NAV2: variants seen among roughly 807,000 people sequenced by gnomAD.
The protein encoded by NAV2 is helicase, APC down-regulated 1.
A neutral mutation model predicts 223.2 loss-of-function variants in NAV2; 54 were observed. The observed-to-expected ratio is 0.24, with a 90% CI of 0.19 to 0.30. The LOEUF (loss-of-function observed/expected upper bound fraction) is 0.30. Among genes scored for constraint, NAV2 ranks in the 10% least tolerant of loss-of-function variants. The pLI, the probability that NAV2 is intolerant of heterozygous loss-of-function variation, is 1.00. For synonymous variants in NAV2, 1,279 were observed against 1,239.3 expected, an observed-to-expected ratio of 1.03 and a Z score of -0.67; for missense variants, 2,806 against 3,147.5, an observed-to-expected ratio of 0.89 and a Z score of 2.60.
chr11:19,620,281 T>C (rs970117511), intron 1 of NAV2, among the ~76,000 whole-genome samples: 2 of 152,208 alleles, frequency 1.3e-5, no homozygotes, highest in African/African-American at 4.8e-5. Context: ...AAGTAGTTTT[T>C]TCCAATTCTG....
intron 12 of NAV2, among the ~76,000 whole-genome samples, chr11:20,039,252 G>C (rs1279424164): frequency 2.0e-5 from 3 of 152,160 alleles, no homozygotes; most frequent in Non-Finnish European, 4.4e-5. Context: ...CACTCTCTCC[G>C]AGCCCCTGCC....
At chr11:19,946,116 A>G (rs1312473040) in intron 8 of NAV2, among the ~76,000 whole-genome samples, 1 of 152,168 alleles carries the variant, frequency 6.6e-6, no homozygotes, top group Non-Finnish European at 1.5e-5. Flanking sequence ...ACACTGTGGA[A>G]ATGTGTTTAC....
chr11:19,727,576 G>A (rs1268210966), intron 1 of NAV2, among the ~76,000 whole-genome samples: 1 of 152,248 alleles, frequency 6.6e-6, no homozygotes, highest in East Asian at 1.9e-4. Flanking sequence ...ATCTGCCTGT[G>A]GAGGCATTTC....
intron 1 of NAV2, among the ~76,000 whole-genome samples, chr11:19,395,290 A>G (rs1849404510): frequency 6.6e-6 from 1 of 152,262 alleles, no homozygotes; most frequent in Non-Finnish European, 1.5e-5. Context: ...CATTGGGCCC[A>G]CACATCTGCT....
At chr11:19,982,380 G>T (rs1043022150) in intron 10 of NAV2, among the ~76,000 whole-genome samples, 1 of 152,076 alleles carries the variant, frequency 6.6e-6, no homozygotes, top group Non-Finnish European at 1.5e-5. Context: ...TGATTCTCCT[G>T]CCTCAGCCTC....
At chr11:19,676,550 C>T (rs2048717080) in intron 1 of NAV2, among the ~76,000 whole-genome samples, 1 of 152,186 alleles carries the variant, frequency 6.6e-6, no homozygotes, top group African/African-American at 2.4e-5. Flanking sequence ...CAACCAGTTT[C>T]CTGTAGCTTG....
At chr11:19,852,744 A>T (rs2061216368) in intron 3 of NAV2, among the ~76,000 whole-genome samples, 1 of 147,864 alleles carries the variant, frequency 6.8e-6, no homozygotes, top group East Asian at 2.0e-4. Flanking sequence ...TTCAATAAAA[A>T]TATCCATATT....
chr11:19,915,537 C>G (rs1267154730), intron 6 of NAV2, among the ~76,000 whole-genome samples: 1 of 152,258 alleles, frequency 6.6e-6, no homozygotes, highest in African/African-American at 2.4e-5. Flanking sequence ...TAATCGGCCT[C>G]TGCCACTGCA....
chr11:19,834,837 G>A (rs2060145666), intron 2 of NAV2, among the ~76,000 whole-genome samples: 1 of 152,206 alleles, frequency 6.6e-6, no homozygotes, highest in African/African-American at 2.4e-5. Context: ...TCTTTAAAAT[G>A]AGGATATTCA....
intron 1 of NAV2, among the ~76,000 whole-genome samples, chr11:19,407,580 A>T (rs1849953207): frequency 6.6e-6 from 1 of 152,092 alleles, no homozygotes; most frequent in African/African-American, 2.4e-5. Flanking sequence ...CATTTTGGAG[A>T]TATCTCTGTG....
chr11:19,567,688 C>T (rs1273020871), intron 1 of NAV2, among the ~76,000 whole-genome samples: 1 of 152,196 alleles, frequency 6.6e-6, no homozygotes, highest in Non-Finnish European at 1.5e-5. Context: ...AGCCCTGGAG[C>T]TTAATTCAGT....
chr11:20,109,883 G>T (rs1287770061), intron 36 of NAV2, among the ~76,000 whole-genome samples: 2 of 152,262 alleles, frequency 1.3e-5, no homozygotes, highest in African/African-American at 2.4e-5. Context: ...GCCTGTCTGT[G>T]CTCCAGCCTT....
At chr11:20,074,411 T>C (rs922405853) in intron 22 of NAV2, among the ~76,000 whole-genome samples, 3 of 152,218 alleles carry the variant, frequency 2.0e-5, no homozygotes, top group African/African-American at 7.2e-5. Context: ...TATTTTCTGT[T>C]GATGTGGGGT....
At chr11:19,864,021 A>G (rs541775909) in intron 3 of NAV2, among the ~76,000 whole-genome samples, 97 of 152,340 alleles carry the variant, frequency 6.4e-4, no homozygotes, top group South Asian at 3.9e-3. Context: ...TGAAGAAGCT[A>G]CACTGTGCTT....
chr11:19,751,978 A>G (rs1437695146), intron 1 of NAV2, among the ~76,000 whole-genome samples: 1 of 152,160 alleles, frequency 6.6e-6, no homozygotes, highest in Non-Finnish European at 1.5e-5. Context: ...TAGGATCTTC[A>G]AAGTCTAAAA....
intron 1 of NAV2, among the ~76,000 whole-genome samples, chr11:19,418,234 G>C (rs1475996901): frequency 1.3e-5 from 2 of 152,220 alleles, no homozygotes; most frequent in African/African-American, 4.8e-5. Flanking sequence ...TGTTCATTGA[G>C]AGCCTCCTAT....
rs1287272449 is a variant in NAV2 at position 19,567,241 on chromosome 11, A to G, written c.75+216214A>G. On this transcript the variant is annotated intron_variant, in intron 1 of 37. Coordinates refer to the NAV2 transcript ENST00000360655. ...TTGACTGTGGACTTCTTGCAGCCAAAGAAAGAAAGGCTGGCCAGTGATCCA... is the reference window on the plus strand; with the variant it reads ...TTGACTGTGGACTTCTTGCAGCCAAGGAAAGAAAGGCTGGCCAGTGATCCA... 2.0e-5 allele frequency among the ~76,000 whole-genome samples: 3 copies of G among 152,330 alleles called. No homozygotes were observed. The East Asian group carries it at 5.8e-4, about 29-fold the overall frequency.
chr11:20,019,401 C>T (rs373226645), intron 11 of NAV2, among the ~76,000 whole-genome samples: 6 of 152,072 alleles, frequency 3.9e-5, no homozygotes, highest in African/African-American at 7.2e-5. Flanking sequence ...AGTGGGGGTG[C>T]GGACACATTG....
At chr11:19,593,648 T>C (rs2046121673) in intron 1 of NAV2, among the ~76,000 whole-genome samples, 1 of 152,256 alleles carries the variant, frequency 6.6e-6, no homozygotes, top group Admixed American at 6.5e-5. Flanking sequence ...TGTACCATTT[T>C]ACATTCCCAC....
Sources: gnomAD v4.1 joint callset for allele counts (sites outside exome capture counted in the v4.1 genomes callset) on GRCh38, gnomAD v4.1.1 for gene constraint, MANE v1.5 for transcripts, NCBI Gene and HGNC (gene_info 2026-07-23, HGNC 2026-07-21) for gene names.